PCDHGB3: variants seen among roughly 807,000 people sequenced by gnomAD.
PCDHGB3 encodes protocadherin gamma subfamily B, 3.
PCDHGB3 carries 40 observed loss-of-function variants against 59.2 expected under a neutral mutation model. The ratio of observed to expected loss-of-function variants is 0.68; its 90% CI spans 0.52 to 0.88. The LOEUF is 0.88. Ranked by LOEUF, PCDHGB3 falls within the 40% of genes least tolerant of loss-of-function variation. The probability of loss-of-function intolerance (pLI) is 0.00; values close to 1 mark genes in which losing one functional copy is unlikely to be tolerated. For synonymous variants in PCDHGB3, 581 were observed against 503.6 expected (o/e 1.15, Z -2.06); for missense variants, 1,309 against 1,187.9 (o/e 1.10, Z -1.50).
At chr5:141,403,662 A>T in intron 1 of PCDHGB3, 1 of 1,613,902 alleles carries the variant, frequency 6.2e-7, no homozygotes, top group Non-Finnish European at 8.5e-7. Context: ...GATACAAATG[A>T]TAATGCCCCG....
intron 1 of PCDHGB3, chr5:141,374,330 A>T: frequency 6.2e-7 from 1 of 1,613,990 alleles, no homozygotes; most frequent in Non-Finnish European, 8.5e-7. Flanking sequence ...GCGAAACGGC[A>T]GCTTGGTCAC....
chr5:141,422,977 G>A (rs1434523351), intron 1 of PCDHGB3: 1 of 1,614,110 alleles, frequency 6.2e-7, no homozygotes, highest in Non-Finnish European at 8.5e-7. Context: ...CCGCTCTGCG[G>A]AACCTGGCTA....
chr5:141,409,690 A>T (rs778962490), intron 1 of PCDHGB3: 1 of 1,613,354 alleles, frequency 6.2e-7, no homozygotes, highest in South Asian at 1.1e-5. Context: ...CGAGTGACCT[A>T]GAGCCCCTGG....
Position 141,432,949 on chromosome 5 carries a change from C to T in PCDHGB3, c.2415+60140C>T. 1.2e-6 allele frequency: 2 copies of T among 1,614,184 alleles called. No homozygotes were observed. Among genetic ancestry groups the T allele is most frequent in the Non-Finnish European group, 1.7e-6 (2 of 1,180,040 alleles). On this transcript the variant is annotated intron_variant, in intron 1 of 3. Coordinates refer to ENST00000576222, the MANE Select transcript of PCDHGB3 (RefSeq NM_018924.5). This position sits in a 1 kb window ranked among gnomAD's most constrained non-coding sequence, Gnocchi z 6.0. Reference sequence around the variant, plus strand: ...CACGCCTGCTGCAGGCTTCAGGAGGCGGCTTGACAGGAGCGCCGGCGTCGC... The same window carrying T: ...CACGCCTGCTGCAGGCTTCAGGAGGTGGCTTGACAGGAGCGCCGGCGTCGC...
chr5:141,399,832 G>A, intron 1 of PCDHGB3: 1 of 1,613,152 alleles, frequency 6.2e-7, no homozygotes, highest in African/African-American at 1.3e-5. Flanking sequence ...CGACGGCTCT[G>A]CGCTCTTCGA....
At chr5:141,436,105 A>G (rs2097796181) in intron 1 of PCDHGB3, among the ~76,000 whole-genome samples, 2 of 152,198 alleles carry the variant, frequency 1.3e-5, no homozygotes, top group African/African-American at 4.8e-5. Context: ...GAAATAGAGG[A>G]CAATGAAACC....
At position 141,405,308 on chromosome 5, in the gene PCDHGB3, GA is replaced by G. The variant is rs776065617; in HGVS notation, c.2415+32500del. 15 of 1,614,096 alleles carry G rather than the reference GA, an allele frequency of 9.3e-6. No individual in the cohort carries two copies. The African/African-American group carries it at 1.9e-4, about 20-fold the overall frequency. On this transcript the variant is annotated intron_variant, in intron 1 of 3. Transcript: ENST00000576222. The stretch of plus-strand genomic sequence containing the variant: ...CACACTCATCAGCCAGCAGAGCTGT[GA>G]GAAAAATGAGCCTTTGTGCGTCTCT...
At chr5:141,466,146 T>C (rs977109086) in intron 1 of PCDHGB3, among the ~76,000 whole-genome samples, 5 of 151,880 alleles carry the variant, frequency 3.3e-5, no homozygotes, top group Non-Finnish European at 7.4e-5. Context: ...GTGAAAACTC[T>C]GGTCTTAAAC....
intron 1 of PCDHGB3, chr5:141,398,901 C>T: frequency 9.9e-6 from 16 of 1,613,954 alleles, no homozygotes; most frequent in Non-Finnish European, 1.3e-5. Flanking sequence ...TGCCACCAGG[C>T]ACCACTGTGT....
chr5:141,405,595 A>C (rs1255161296), intron 1 of PCDHGB3: 1 of 578,138 alleles, frequency 1.7e-6, no homozygotes, highest in Non-Finnish European at 3.1e-6. Flanking sequence ...CAGGCCTCCC[A>C]AGTAGAATAA....
chr5:141,468,348 A>C (rs962230735), intron 1 of PCDHGB3: 2 of 150,318 alleles, frequency 1.3e-5, no homozygotes, highest in African/African-American at 4.9e-5. Context: ...AAAAAAAAAA[A>C]AGAAAGAAAA....
At chr5:141,428,196 C>A in intron 1 of PCDHGB3, 2 of 1,383,704 alleles carry the variant, frequency 1.4e-6, no homozygotes, top group Non-Finnish European at 2.0e-6. Context: ...CCGCTCTCTG[C>A]GCCGCTACGC....
chr5:141,395,124 C>T, intron 1 of PCDHGB3: 2 of 1,614,194 alleles, frequency 1.2e-6, no homozygotes, highest in Non-Finnish European at 1.7e-6. Context: ...CCTGATCTTT[C>T]CCCAGCCCAA....
chr5:141,374,069 C>T (rs747646831), intron 1 of PCDHGB3: 8 of 1,502,764 alleles, frequency 5.3e-6, no homozygotes, highest in Non-Finnish European at 7.1e-6. Context: ...CAGAGAAGTT[C>T]CTAATAAGCC....
chr5:141,430,673 C>A, intron 1 of PCDHGB3: 1 of 1,288,318 alleles, frequency 7.8e-7, no homozygotes, highest in Non-Finnish European at 1.0e-6. Flanking sequence ...TCTGACTTCC[C>A]AACTGTCCCA....
At chr5:141,479,651 C>CAAA (rs931031810) in intron 1 of PCDHGB3, 2 of 152,124 alleles carry the variant, frequency 1.3e-5, no homozygotes, top group African/African-American at 2.4e-5. Flanking sequence ...ACAACAACAA[C>CAAA]AATCCCAGAA....
In PCDHGB3 at chr5:141,400,030, C is replaced by T. The variant is rs201599536; in HGVS notation, c.2415+27221C>T. 180 of 1,613,050 alleles carry T rather than the reference C, an allele frequency of 1.1e-4. No individual in the cohort carries two copies. Among genetic ancestry groups the T allele is most frequent in the East Asian group, 1.6e-4 (7 of 44,886 alleles). On this transcript the variant is annotated intron_variant, in intron 1 of 3. Coordinates refer to ENST00000576222, the MANE Select transcript of PCDHGB3 (RefSeq NM_018924.5). Reference sequence around the variant, plus strand: ...TGCCTTGGGCGACAGGGACGCGGCCCGCCAGCGCCTGCTGGTTGCTGTGCG... The same window carrying T: ...TGCCTTGGGCGACAGGGACGCGGCCTGCCAGCGCCTGCTGGTTGCTGTGCG...
At chr5:141,445,808 T>A (rs1004030960) in intron 1 of PCDHGB3, among the ~76,000 whole-genome samples, 1 of 152,182 alleles carries the variant, frequency 6.6e-6, no homozygotes, top group Non-Finnish European at 1.5e-5. Flanking sequence ...AATAAATAGA[T>A]GAAACTAATA....
At chr5:141,483,648 TTGTGTGTGTG>T (rs111458813) in intron 1 of PCDHGB3, among the ~76,000 whole-genome samples, 35 of 149,708 alleles carry the variant, frequency 2.3e-4, no homozygotes, top group Non-Finnish European at 4.6e-4. Flanking sequence ...GGGTGTGTGT[TTGTGTGTGTG>T]TGTGTGTGTG....
Sources: gnomAD v4.1 joint callset for allele counts (sites outside exome capture counted in the v4.1 genomes callset) on GRCh38, gnomAD v4.1.1 for gene constraint, Gnocchi (gnomAD v3.1) non-coding constraint, MANE v1.5 for transcripts, NCBI Gene and HGNC (gene_info 2026-07-23, HGNC 2026-07-21) for gene names.